The following TERF2 variants were observed in gnomAD, a reference collection of about 807,000 sequenced individuals.
The protein encoded by TERF2 is telomeric repeat binding factor 2, also known as telomeric repeat-binding factor 2.
Under a neutral mutation model 56.1 loss-of-function variants are expected in TERF2, and 16 were observed. The observed-to-expected ratio is 0.29, with a 90% CI of 0.19 to 0.43. The LOEUF is 0.43. Among genes scored for constraint, TERF2 ranks in the 20% least tolerant of loss-of-function variants. The probability of loss-of-function intolerance (pLI) is 1.00; values close to 1 mark genes in which losing one functional copy is unlikely to be tolerated. For missense variants in TERF2, 547 were observed against 712.9 expected (o/e 0.77, Z 2.65); for synonymous variants, 296 against 282.1 (o/e 1.05, Z -0.50).
intron 3 of TERF2, among the ~76,000 whole-genome samples, chr16:69,372,689 G>C (rs749366551): frequency 3.3e-5 from 5 of 152,094 alleles, no homozygotes; most frequent in Non-Finnish European, 7.4e-5. Context: ...TTGAACCTGG[G>C]ACGCAGAGGT....
At chr16:69,383,683 A>G (rs571270027) in intron 3 of TERF2, among the ~76,000 whole-genome samples, 1 of 152,376 alleles carries the variant, frequency 6.6e-6, no homozygotes, top group African/African-American at 2.4e-5. Flanking sequence ...GTTGTTTTTT[A>G]ATAGGGTACC....
Position 69,368,722 on chromosome 16 carries a change from G to A in TERF2, c.841-240C>T. 4.3e-6 allele frequency: 4 copies of A among 925,058 alleles called. No individual in the cohort carries two copies. The Admixed American group carries it at 7.0e-5, about 16-fold the overall frequency. 57.3% of individuals were successfully genotyped at this position (925,058 alleles called of 1,614,324 possible). On this transcript the variant is annotated intron_variant, in intron 5 of 9. Coordinates refer to ENST00000254942, the MANE Select transcript of TERF2 (RefSeq NM_005652.5). The stretch of plus-strand genomic sequence containing the variant: ...GAGGGAGTCTTGCTCTGTCGCCCAG[G>A]CTGCAGCACAGTGGTGCAATCTCGG...
chr16:69,367,405 C>T (rs1430129461), intron 6 of TERF2, among the ~76,000 whole-genome samples: 1 of 152,154 alleles, frequency 6.6e-6, no homozygotes, highest in African/African-American at 2.4e-5. Context: ...GGGTCTGGGT[C>T]TGTCCTAGAC....
At chr16:69,378,342 T>C (rs890037050) in intron 3 of TERF2, among the ~76,000 whole-genome samples, 7 of 152,216 alleles carry the variant, frequency 4.6e-5, no homozygotes, top group African/African-American at 1.7e-4. Flanking sequence ...ACAGCTCCTT[T>C]GGTGAGAAAA....
chr16:69,372,198 C>A, intron 4 of TERF2, 71 bp downstream of exon 4: 1 of 1,107,440 alleles, frequency 9.0e-7, no homozygotes, highest in Non-Finnish European at 1.3e-6. Context: ...ACCAAGAACC[C>A]TTTCCCTATT....
At chr16:69,373,673 A>G (rs998316760) in intron 3 of TERF2, among the ~76,000 whole-genome samples, 2 of 152,102 alleles carry the variant, frequency 1.3e-5, no homozygotes, top group East Asian at 1.9e-4. Flanking sequence ...CTCTCCCCCA[A>G]AAAAACCCAC....
At chr16:69,361,211 G>A in intron 8 of TERF2, 193 bp downstream of exon 8, 1 of 588,242 alleles carries the variant, frequency 1.7e-6, no homozygotes, top group East Asian at 2.8e-5. Context: ...TGGCCTGGGT[G>A]ACAGAGCAAG....
intron 3 of TERF2, among the ~76,000 whole-genome samples, chr16:69,375,367 T>C (rs1004847741): frequency 6.6e-6 from 1 of 152,166 alleles, no homozygotes; most frequent in African/African-American, 2.4e-5. Context: ...ATCAGCAATA[T>C]ATGAGAGTTC....
rs1435992714 is a variant in TERF2 at position 69,356,668 on chromosome 16, C to T, written c.*230G>A. The T allele has an allele frequency of 7.4e-6, 3 of 405,040 alleles. No individual in the cohort carries two copies. The highest frequency in any genetic ancestry group is 7.2e-5 in the South Asian group (2 of 27,756). The allele number at this position is 405,040 out of a possible 1,614,324, so 25.1% of individuals were successfully genotyped here. On this transcript the variant is annotated 3_prime_UTR_variant, in exon 10 of 10. Transcript: ENST00000254942. ...ACAAAACATTAGCCGGGCGTGATGG[C>T]GGGCGCCTGTAGTCCCAGCTACTCG... is the stretch of plus-strand genomic sequence containing the variant.
At chr16:69,384,448 T>C in intron 3 of TERF2, 132 bp downstream of exon 3, 1 of 906,294 alleles carries the variant, frequency 1.1e-6, no homozygotes, top group South Asian at 2.2e-5. Flanking sequence ...CGTCTGTGTG[T>C]GTGCTTTCTT....
At chr16:69,384,041 T>G (rs1362135288) in intron 3 of TERF2, among the ~76,000 whole-genome samples, 4 of 152,232 alleles carry the variant, frequency 2.6e-5, no homozygotes, top group Non-Finnish European at 5.9e-5. Context: ...GCTTTTTTCT[T>G]GAATTCAAGA....
At position 69,385,900 on chromosome 16, in the gene TERF2, C is replaced by T; in HGVS notation, c.72G>A (p.Gln24=). Residue 24 remains glutamine, a synonymous_variant, in exon 1 of 10, where the codon CAG becomes CAA. Coordinates refer to ENST00000254942, the MANE Select transcript of TERF2 (RefSeq NM_005652.5). ...PGVVRDPAAS[Q]PRKRPGREGG... The stretch of plus-strand genomic sequence containing the variant: ...CCTCCCGGCCGGGCCGCTTCCTCGG[C>T]TGTGACGCCGCTGGGTCACGCACGA... 7.2e-7 allele frequency: 1 copy of T among 1,383,098 alleles called. No individual in the cohort carries two copies. The highest frequency in any genetic ancestry group is 9.4e-7 in the Non-Finnish European group (1 of 1,067,034). 85.7% of individuals were successfully genotyped at this position (1,383,098 alleles called of 1,614,324 possible). A position where few individuals can be genotyped will look rare whatever the true frequency, so the allele number is the denominator to read the frequency against.
chr16:69,385,493 G>A lies in TERF2; in HGVS notation c.380-7C>T. 3 of 1,614,016 alleles carry A rather than the reference G, an allele frequency of 1.9e-6. No homozygotes were observed. The highest frequency in any genetic ancestry group is 1.7e-6 in the Non-Finnish European group (2 of 1,179,972). ...AAGGGCCTGACAAGCAAAGCTGGGAGAGAAGACATCGTTGGCTGGGCGACC... is the reference window on the plus strand; with the variant it reads ...AAGGGCCTGACAAGCAAAGCTGGGAAAGAAGACATCGTTGGCTGGGCGACC... On this transcript the variant is annotated splice_region_variant and splice_polypyrimidine_tract_variant and intron_variant, in intron 1 of 9. Coordinates refer to ENST00000254942, the MANE Select transcript of TERF2 (RefSeq NM_005652.5).
chr16:69,366,834 T>TGGTTGAGAAC lies in TERF2; in HGVS notation c.1303_1312dup (p.Gln438ArgfsTer23). The TGGTTGAGAAC allele has an allele frequency of 6.2e-7, 1 of 1,613,564 alleles. No homozygotes were observed. Among genetic ancestry groups the TGGTTGAGAAC allele is most frequent in the Non-Finnish European group, 8.5e-7 (1 of 1,179,806 alleles). ...GGGATTCTTCTCTCCAGGGAGGGGT[T>TGGTTGAGAAC]GGTTGAGAACGGTGGGCTTGGATGG... is the stretch of plus-strand genomic sequence containing the variant. On this transcript the variant is annotated frameshift_variant, in exon 7 of 10. Coordinates refer to ENST00000254942, the MANE Select transcript of TERF2 (RefSeq NM_005652.5). LOFTEE classifies it high-confidence loss of function.
chr16:69,360,127 C>T (rs2013077548), intron 8 of TERF2, among the ~76,000 whole-genome samples: 1 of 151,880 alleles, frequency 6.6e-6, no homozygotes, highest in Non-Finnish European at 1.5e-5. Context: ...TGGCTCACAC[C>T]TGTAATCCCA....
chr16:69,368,908 T>C (rs1417825584), intron 5 of TERF2, among the ~76,000 whole-genome samples: 1 of 152,136 alleles, frequency 6.6e-6, no homozygotes, highest in African/African-American at 2.4e-5. Context: ...ACTCCTGACC[T>C]CAAGTGATCT....
At chr16:69,365,051 TA>T (rs2013286863) in intron 7 of TERF2, 1 of 152,274 alleles carries the variant, frequency 6.6e-6, no homozygotes, top group African/African-American at 2.4e-5. Flanking sequence ...CCTGCTGCTT[TA>T]GGGGATTCAT....
chr16:69,356,864 G>GCTC lies in TERF2; in HGVS notation c.*31_*33dup. 1 of 1,581,834 alleles carries GCTC rather than the reference G, an allele frequency of 6.3e-7. No individual in the cohort carries two copies. Among genetic ancestry groups the GCTC allele is most frequent in the Non-Finnish European group, 8.6e-7 (1 of 1,165,694 alleles). ...ATCAGGGGCTATTATTAGGAACCAT[G>GCTC]CTCCTGTGAATTCTGTGGAAATGAA... On this transcript the variant is annotated 3_prime_UTR_variant, in exon 10 of 10. Transcript: ENST00000254942.
At chr16:69,378,574 C>G (rs2013879795) in intron 3 of TERF2, among the ~76,000 whole-genome samples, 1 of 152,186 alleles carries the variant, frequency 6.6e-6, no homozygotes, top group Non-Finnish European at 1.5e-5. Flanking sequence ...CTGTTCACAC[C>G]TGGAGTGCAC....
Sources: allele counts gnomAD v4.1 joint callset (sites outside exome capture counted in the v4.1 genomes callset), GRCh38; gene constraint gnomAD v4.1.1; transcripts MANE v1.5; gene names NCBI Gene and HGNC (gene_info 2026-07-23, HGNC 2026-07-21).